The following LAMC2 variants were observed in gnomAD, a reference collection of about 807,000 sequenced individuals.
LAMC2 encodes the protein laminin subunit gamma 2.
Under a neutral mutation model 140.2 loss-of-function variants are expected in LAMC2, and 97 were observed. The ratio of observed to expected loss-of-function variants is 0.69; its 90% CI spans 0.59 to 0.82. The LOEUF (loss-of-function observed/expected upper bound fraction) is 0.82, where lower values mean the gene tolerates loss of function less well. LAMC2 is among the 40% of genes least tolerant of loss of function. The pLI is 0.00. For synonymous variants in LAMC2, 513 were observed against 540.2 expected, an observed-to-expected ratio of 0.95 and a Z score of 0.70; for missense variants, 1,402 against 1,476.1, an observed-to-expected ratio of 0.95 and a Z score of 0.82.
At chr1:183,207,605 C>T (rs541198819) in intron 1 of LAMC2, among the ~76,000 whole-genome samples, 1 of 152,188 alleles carries the variant, frequency 6.6e-6, no homozygotes, top group South Asian at 2.1e-4. Context: ...GGGTTTCTCT[C>T]GAGGAACTGG....
At chr1:183,199,058 CAGGG>C (rs1187091485) in intron 1 of LAMC2, among the ~76,000 whole-genome samples, 1 of 148,388 alleles carries the variant, frequency 6.7e-6, no homozygotes. Flanking sequence ...TTCTGGACGT[CAGGG>C]AGATTTCTGT....
the LAMC2 span, among the ~76,000 whole-genome samples, chr1:183,253,134 A>G: frequency 1.3e-5 from 2 of 151,610 alleles, no homozygotes; most frequent in African/African-American, 4.8e-5. Flanking sequence ...TTTTTTCTCA[A>G]ATAAATTGTA....
At chr1:183,234,502 GAAT>G in intron 15 of LAMC2, 56 bp downstream of exon 15, 1 of 1,344,204 alleles carries the variant, frequency 7.4e-7, no homozygotes, top group Non-Finnish European at 1.1e-6. Flanking sequence ...GGCCAGACTT[GAAT>G]AAGAGTGTAG....
intron 1 of LAMC2, among the ~76,000 whole-genome samples, chr1:183,205,213 C>T (rs1658848037): frequency 6.6e-6 from 1 of 152,212 alleles, no homozygotes; most frequent in Non-Finnish European, 1.5e-5. Flanking sequence ...GGCATTGGCT[C>T]ATTGGGTTAG....
At chr1:183,201,978 CAG>C (rs1315589740) in intron 1 of LAMC2, among the ~76,000 whole-genome samples, 3 of 152,008 alleles carry the variant, frequency 2.0e-5, no homozygotes, top group African/African-American at 7.3e-5. Context: ...CCTTGATGGA[CAG>C]TGGAAGAAAT....
At chr1:183,210,252 C>T (rs1659030727) in intron 2 of LAMC2, among the ~76,000 whole-genome samples, 1 of 152,132 alleles carries the variant, frequency 6.6e-6, no homozygotes, top group Non-Finnish European at 1.5e-5. Context: ...TGGAGCCAGG[C>T]AGCCAGGGTG....
downstream of LAMC2, among the ~76,000 whole-genome samples, chr1:183,245,343 C>G (rs1383492255): frequency 1.7e-4 from 26 of 152,234 alleles, no homozygotes; most frequent in Non-Finnish European, 1.5e-5. Flanking sequence ...TCTGATAGGT[C>G]TGGTCACTTT....
At chr1:183,256,800 A>C in the LAMC2 span, among the ~76,000 whole-genome samples, 1 of 151,934 alleles carries the variant, frequency 6.6e-6, no homozygotes, top group Non-Finnish European at 1.5e-5. Context: ...CCCAGGCTGG[A>C]GTGCAGCAGC....
At chr1:183,257,702 C>T in the LAMC2 span, among the ~76,000 whole-genome samples, 10 of 151,604 alleles carry the variant, frequency 6.6e-5, no homozygotes, top group Admixed American at 6.6e-5. Context: ...ATTTCTGAGA[C>T]ATCTGTTATA....
chr1:183,255,975 A>G, the LAMC2 span, among the ~76,000 whole-genome samples: 2 of 152,028 alleles, frequency 1.3e-5, no homozygotes, highest in East Asian at 3.9e-4. Flanking sequence ...TCTAACTGCT[A>G]TTGATAGTAC....
intron 7 of LAMC2, 66 bp from the exon 8 acceptor site, chr1:183,225,542 A>G: frequency 1.8e-6 from 2 of 1,117,010 alleles, no homozygotes; most frequent in Non-Finnish European, 2.7e-6. Flanking sequence ...CCTCAGGCAT[A>G]ATTTATAACA....
At chr1:183,237,632 A>T in intron 18 of LAMC2, 128 bp downstream of exon 18, 1 of 970,284 alleles carries the variant, frequency 1.0e-6, no homozygotes, top group Non-Finnish European at 1.6e-6. Flanking sequence ...TAATCCCCGC[A>T]CTTTTGGAGG....
At chr1:183,223,745 A>G (rs1183475873) in intron 7 of LAMC2, among the ~76,000 whole-genome samples, 1 of 152,214 alleles carries the variant, frequency 6.6e-6, no homozygotes, top group South Asian at 2.1e-4. Context: ...AGGTTTGTGC[A>G]TTTAGAAAAT....
At chr1:183,205,897 T>C (rs541529891) in intron 1 of LAMC2, among the ~76,000 whole-genome samples, 6 of 152,170 alleles carry the variant, frequency 3.9e-5, no homozygotes, top group Non-Finnish European at 7.4e-5. Flanking sequence ...AAACACATGA[T>C]GAAAATTACA....
At chr1:183,196,671 A>C (rs1658530564) in intron 1 of LAMC2, among the ~76,000 whole-genome samples, 2 of 152,230 alleles carry the variant, frequency 1.3e-5, no homozygotes, top group South Asian at 4.1e-4. Context: ...AAGAGTTGTC[A>C]GTTTACATGA....
Position 183,186,390 on chromosome 1 carries a change from C to T in LAMC2, c.38C>T (p.Ser13Leu), listed in dbSNP as rs773517261. ...TGGCTGGGCTGCTGCCTCTGCTTCTCGCTCCTCCTGCCCGCAGCCCGGGCC... is the reference window on the plus strand; with the variant it reads ...TGGCTGGGCTGCTGCCTCTGCTTCTTGCTCCTCCTGCCCGCAGCCCGGGCC... Reference protein sequence around the residue: ...ALWLGCCLCFSLLLPAARATS... With the variant: ...ALWLGCCLCFLLLLPAARATS... Residue 13 changes from serine to leucine, a missense_variant, in exon 1 of 23, where the codon TCG (serine) becomes TTG (leucine). Coordinates refer to ENST00000264144, the MANE Select transcript of LAMC2 (RefSeq NM_005562.3). 2 of 1,605,906 alleles carry T rather than the reference C, an allele frequency of 1.2e-6. No homozygotes were observed. The highest frequency in any genetic ancestry group is 1.7e-6 in the Non-Finnish European group (2 of 1,179,626).
intron 1 of LAMC2, among the ~76,000 whole-genome samples, chr1:183,206,614 C>T (rs1035154554): frequency 6.7e-6 from 1 of 149,036 alleles, no homozygotes; most frequent in Non-Finnish European, 1.5e-5. Flanking sequence ...CACTGCACTC[C>T]ACACTCCAGC....
downstream of LAMC2, among the ~76,000 whole-genome samples, chr1:183,246,980 A>G (rs896673441): frequency 9.2e-5 from 14 of 152,378 alleles, no homozygotes; most frequent in African/African-American, 3.4e-4. Flanking sequence ...TATATTTTAT[A>G]AGTTAGCAAA....
chr1:183,207,035 A>G (rs1473281726), intron 1 of LAMC2, among the ~76,000 whole-genome samples: 1 of 152,232 alleles, frequency 6.6e-6, no homozygotes, highest in Non-Finnish European at 1.5e-5. Flanking sequence ...CCAGGGAGGC[A>G]GATAATGCAG....
Sources: allele counts gnomAD v4.1 joint callset (sites outside exome capture counted in the v4.1 genomes callset), GRCh38; gene constraint gnomAD v4.1.1; transcripts MANE v1.5; gene names NCBI Gene and HGNC (gene_info 2026-07-23, HGNC 2026-07-21).